Variants in ECPAS observed in about 807,000 individuals in gnomAD.
The protein encoded by ECPAS is Ecm29 proteasome adaptor and scaffold, also known as proteasome adapter and scaffold protein ECM29.
ECPAS carries 70 observed loss-of-function variants against 255.1 expected under a neutral mutation model. The observed-to-expected ratio is 0.27, with a 90% CI of 0.23 to 0.33. ECPAS has a LOEUF of 0.33. Ranked by LOEUF, ECPAS falls within the 10% of genes least tolerant of loss-of-function variation. ECPAS has a pLI of 1.00. For synonymous variants in ECPAS, 784 were observed against 775.0 expected (o/e 1.01, Z -0.19); for missense variants, 1,817 against 2,206.4 (o/e 0.82, Z 3.54).
chr9:111,454,208 T>G (rs2098263959), intron 2 of ECPAS, among the ~76,000 whole-genome samples: 1 of 146,788 alleles, frequency 6.8e-6, no homozygotes. Context: ...CTACAGAAAC[T>G]GTAAAAGAAG....
At chr9:111,431,293 C>T (rs2098229541) in intron 8 of ECPAS, among the ~76,000 whole-genome samples, 1 of 152,168 alleles carries the variant, frequency 6.6e-6, no homozygotes, top group Non-Finnish European at 1.5e-5. Flanking sequence ...CATGGTGGCT[C>T]ACACCTGCAA....
At chr9:111,450,125 TGTC>T (rs938742735) in intron 3 of ECPAS, among the ~76,000 whole-genome samples, 1 of 152,210 alleles carries the variant, frequency 6.6e-6, no homozygotes, top group African/African-American at 2.4e-5. Flanking sequence ...AACTAGGTGT[TGTC>T]ATCATTCATC....
intron 2 of ECPAS, among the ~76,000 whole-genome samples, chr9:111,471,459 AAT>A (rs915025172): frequency 2.0e-5 from 3 of 152,170 alleles, no homozygotes; most frequent in Non-Finnish European, 4.4e-5. Flanking sequence ...CATCAGCAGC[AAT>A]ATATATACCA....
At chr9:111,462,124 C>T (rs1002069939) in intron 2 of ECPAS, among the ~76,000 whole-genome samples, 1 of 152,096 alleles carries the variant, frequency 6.6e-6, no homozygotes, top group Non-Finnish European at 1.5e-5. Context: ...ATCTAAATGT[C>T]AAAGGTAAAA....
At chr9:111,395,334 T>C (rs1479353314) in intron 25 of ECPAS, among the ~76,000 whole-genome samples, 3 of 152,134 alleles carry the variant, frequency 2.0e-5, no homozygotes, top group African/African-American at 7.2e-5. Flanking sequence ...TCAAATGCTG[T>C]TCATTCTACT....
chr9:111,410,925 A>G, intron 22 of ECPAS, 55 bp downstream of exon 22: 1 of 1,524,018 alleles, frequency 6.6e-7, no homozygotes, highest in East Asian at 2.3e-5. Context: ...CCATATTAAA[A>G]TTTAACATAA....
At chr9:111,413,062 G>A (rs2098197195) in intron 20 of ECPAS, among the ~76,000 whole-genome samples, 1 of 152,294 alleles carries the variant, frequency 6.6e-6, no homozygotes, top group South Asian at 2.1e-4. Flanking sequence ...ATGGGACAGG[G>A]ACACCCTCAT....
At position 111,373,192 on chromosome 9, in the gene ECPAS, A is replaced by T. The variant is rs2098129438; in HGVS notation, c.4314T>A (p.Asn1438Lys). The change falls in exon 41 of 50, where the codon AAT becomes AAA. Residue 1438 changes from asparagine to lysine, a missense_variant. By Grantham distance (94) the Asn-to-Lys change is moderately conservative. This residue lies in a region of ECPAS where 960 missense variants were observed against 1,179.0 expected (regional missense o/e 0.81). Transcript: ENST00000684092. The stretch of plus-strand genomic sequence containing the variant: ...TACCTTCTTTCTCCATATACCACCC[A>T]TTGAGCTTCTGCAGGAGTTTTTCAG... Reference protein sequence around the residue: ...SSTEKLLQKLNGWYMEKEEPI... With the variant: ...SSTEKLLQKLKGWYMEKEEPI... The T allele has an allele frequency of 6.2e-7, 1 of 1,613,742 alleles. No homozygotes were observed. The highest frequency in any genetic ancestry group is 2.2e-5 in the East Asian group (1 of 44,880).
intron 13 of ECPAS, among the ~76,000 whole-genome samples, chr9:111,422,451 A>G (rs12344767): frequency 0.28 from 43,198 of 152,170 alleles, 7,564 homozygotes; most frequent in Non-Finnish European, 0.4. Flanking sequence ...TGATTTTAAC[A>G]TGAAGAAATT....
chr9:111,436,894 A>G, intron 7 of ECPAS, 46 bp downstream of exon 7: 1 of 1,481,246 alleles, frequency 6.8e-7, no homozygotes, highest in Non-Finnish European at 9.1e-7. Context: ...TCATAGGGGA[A>G]AGTGTCCACA....
intron 10 of ECPAS, 122 bp downstream of exon 10, chr9:111,427,920 C>A: frequency 1.4e-6 from 1 of 715,852 alleles, no homozygotes; most frequent in East Asian, 3.3e-5. Flanking sequence ...AAAAAAGAAT[C>A]TCATTAATCT....
chr9:111,468,658 C>CGT (rs1367356670), intron 2 of ECPAS, among the ~76,000 whole-genome samples: 1 of 136,268 alleles, frequency 7.3e-6, no homozygotes, highest in Non-Finnish European at 1.6e-5. Context: ...AGAGAGCGAG[C>CGT]GTGTGTGTGT....
intron 35 of ECPAS, among the ~76,000 whole-genome samples, chr9:111,379,642 C>T (rs2098138061): frequency 2.0e-5 from 3 of 152,352 alleles, no homozygotes; most frequent in Admixed American, 6.5e-5. Flanking sequence ...ATTTTGCCCA[C>T]ATTAGAACGT....
chr9:111,363,055 T>C (rs928479189), intron 49 of ECPAS, among the ~76,000 whole-genome samples: 2 of 151,894 alleles, frequency 1.3e-5, no homozygotes, highest in Non-Finnish European at 2.9e-5. Flanking sequence ...AAGAAGAGGG[T>C]CCTCCTTCTG....
intron 26 of ECPAS, 131 bp downstream of exon 26, chr9:111,394,029 C>G: frequency 1.1e-6 from 1 of 921,490 alleles, no homozygotes; most frequent in Non-Finnish European, 1.6e-6. Flanking sequence ...GGCCACCATC[C>G]TTCATTCCTT....
At chr9:111,383,394 T>A in intron 34 of ECPAS, 62 bp from the exon 35 acceptor site, 5 of 1,541,588 alleles carry the variant, frequency 3.2e-6, no homozygotes, top group Non-Finnish European at 4.4e-6. Context: ...AGAATTCATC[T>A]GACAAAAGAC....
At position 111,375,188 on chromosome 9, in the gene ECPAS, A is replaced by G. The variant is rs1368188228; in HGVS notation, c.4035T>C (p.Leu1345=). Residue 1345 remains leucine, a synonymous_variant, in exon 38 of 50, where the codon CTT becomes CTC. Coordinates refer to ENST00000684092, the MANE Select transcript of ECPAS (RefSeq NM_001364929.1). ...CTAGCTCGCCCAGCACTGACACATC[A>G]AGGTATTGCAGGCACTTTTGAAAAA... ...METINMCLQY[L]DVSVLGELVP... is the part of the protein sequence containing the mutation. The G allele has an allele frequency of 1.2e-6, 2 of 1,613,616 alleles. No individual in the cohort carries two copies. The highest frequency in any genetic ancestry group is 1.7e-6 in the Non-Finnish European group (2 of 1,179,648).
intron 34 of ECPAS, among the ~76,000 whole-genome samples, 179 bp downstream of exon 34, chr9:111,384,343 C>A (rs532684673): frequency 2.6e-5 from 4 of 152,202 alleles, no homozygotes; most frequent in Admixed American, 6.5e-5. Context: ...CTGTTCAACA[C>A]ACTAGTACTG....
chr9:111,444,326 T>C (rs2098249976), intron 4 of ECPAS, 52 bp downstream of exon 4: 2 of 1,262,248 alleles, frequency 1.6e-6, no homozygotes, highest in Non-Finnish European at 2.3e-6. Flanking sequence ...CTAATAAATG[T>C]TAGGAAAGAA....
Sources: allele counts gnomAD v4.1 joint callset (sites outside exome capture counted in the v4.1 genomes callset), GRCh38; gene constraint gnomAD v4.1.1; regional missense constraint gnomAD v4.1.1; transcripts MANE v1.5; gene names NCBI Gene and HGNC (gene_info 2026-07-23, HGNC 2026-07-21).